The following MME variants were observed in gnomAD, a reference collection of about 807,000 sequenced individuals.
The protein encoded by MME is neprilysin.
MME carries 98 observed loss-of-function variants against 113.2 expected under a neutral mutation model. That is an observed-to-expected ratio of 0.87 (90% CI 0.74 to 1.02). MME has a LOEUF of 1.02. MME is among the 50% of genes least tolerant of loss of function. The pLI, the probability that MME is intolerant of heterozygous loss-of-function variation, is 0.00. For synonymous variants in MME, 292 were observed against 300.6 expected (o/e 0.97, Z 0.30); for missense variants, 836 against 896.0 (o/e 0.93, Z 0.86).
chr3:155,151,474 G>A (rs1381901416), intron 16 of MME, among the ~76,000 whole-genome samples: 5 of 152,024 alleles, frequency 3.3e-5, no homozygotes, highest in African/African-American at 1.2e-4. Flanking sequence ...TTTACTTCTC[G>A]ACATCTTCTA....
chr3:155,026,420 C>T (rs78543353), intron 1 of MME, among the ~76,000 whole-genome samples: 1,687 of 152,208 alleles, frequency 0.011, 15 homozygotes, highest in African/African-American at 0.028. Context: ...ATCACTACTT[C>T]CCTGTAAGAA....
At chr3:155,078,418 G>A (rs763724936), upstream of MME, among the ~76,000 whole-genome samples, 2 of 152,020 alleles carry the variant, frequency 1.3e-5, no homozygotes, top group Admixed American at 1.3e-4. Flanking sequence ...TATATTAATC[G>A]AATTATTTAA....
At chr3:155,086,316 G>GAT (rs1241502549) in intron 3 of MME, among the ~76,000 whole-genome samples, 1 of 152,192 alleles carries the variant, frequency 6.6e-6, no homozygotes, top group Non-Finnish European at 1.5e-5. Flanking sequence ...CAGAAATAGA[G>GAT]AGGTTATGAG....
intron 22 of MME, among the ~76,000 whole-genome samples, chr3:155,175,787 C>T (rs1712457699): frequency 6.6e-6 from 1 of 152,036 alleles, no homozygotes; most frequent in African/African-American, 2.4e-5. Flanking sequence ...ACTAATATGG[C>T]TATTTTGTTC....
At position 155,042,922 on chromosome 3, in the gene MME, A is replaced by G. The variant is rs1408052968; in HGVS notation, c.-11+18598A>G. On this transcript the variant is annotated intron_variant, in intron 1 of 22. Transcript: ENST00000492661. ...GTTTTATATATATATATATATATAT[A>G]TATATATATATATATATGTATATAT... Among the ~76,000 whole-genome samples, 19 of 63,690 alleles carry G rather than the reference A, an allele frequency of 3.0e-4. 2 individuals are homozygous for G. The East Asian group carries it at 6.0e-3, about 20-fold the overall frequency. 41.8% of individuals were successfully genotyped at this position (63,690 alleles called of 152,430 possible).
chr3:155,116,531 A>G lies in MME; in HGVS notation c.411A>G (p.Lys137=), dbSNP rs199805977. Residue 137 remains lysine (K), a synonymous_variant, in exon 5 of 23, where the codon AAA becomes AAG. Transcript: ENST00000360490. Reference sequence around the variant, plus strand: ...ATATAGTAGCAGTGCAGAAAGCAAAAGCATTGTACAGGTCTTGTATAAATG... The same window carrying G: ...ATATAGTAGCAGTGCAGAAAGCAAAGGCATTGTACAGGTCTTGTATAAATG... ...TEDIVAVQKA[K]ALYRSCINES... 3.2e-5 allele frequency: 52 copies of G among 1,612,440 alleles called. No individual in the cohort carries two copies. The African/African-American group carries it at 3.7e-4, about 12-fold the overall frequency.
chr3:155,099,063 C>T (rs561616752), intron 3 of MME, among the ~76,000 whole-genome samples: 2 of 152,098 alleles, frequency 1.3e-5, no homozygotes, highest in African/African-American at 4.8e-5. Flanking sequence ...CAAGTGATAA[C>T]AGAAAACTAG....
At chr3:155,081,588 T>C (rs1488729750) in intron 1 of MME, 1 of 152,078 alleles carries the variant, frequency 6.6e-6, no homozygotes, top group Non-Finnish European at 1.5e-5. Flanking sequence ...TACCCTGCTT[T>C]ATATGGGACT....
intron 1 of MME, among the ~76,000 whole-genome samples, chr3:155,061,472 G>A (rs1714145177): frequency 1.3e-5 from 2 of 149,370 alleles, no homozygotes; most frequent in African/African-American, 2.5e-5. Context: ...AAAAAAAAAG[G>A]TATCAAGCAT....
chr3:155,049,930 C>T (rs183641946), intron 1 of MME, among the ~76,000 whole-genome samples: 17 of 152,194 alleles, frequency 1.1e-4, no homozygotes, highest in Non-Finnish European at 2.1e-4. Context: ...TTTCATCACC[C>T]AGGTACTAAG....
At chr3:155,032,357 A>G (rs1297265395) in intron 1 of MME, among the ~76,000 whole-genome samples, 1 of 152,242 alleles carries the variant, frequency 6.6e-6, no homozygotes, top group Non-Finnish European at 1.5e-5. Context: ...CTCCTTGACC[A>G]AATTTCATAC....
intron 1 of MME, among the ~76,000 whole-genome samples, chr3:155,063,406 T>C (rs1344404772): frequency 9.1e-6 from 1 of 109,522 alleles, no homozygotes; most frequent in African/African-American, 3.8e-5. Flanking sequence ...ATATTTTATA[T>C]TTTATATTTT....
chr3:155,149,751 C>T (rs1448776043), intron 16 of MME, among the ~76,000 whole-genome samples: 1 of 152,012 alleles, frequency 6.6e-6, no homozygotes, highest in Non-Finnish European at 1.5e-5. Context: ...TTGGACAAAA[C>T]TGCTAATGGA....
intron 3 of MME, among the ~76,000 whole-genome samples, chr3:155,092,165 C>T (rs1716350329): frequency 6.6e-6 from 1 of 152,088 alleles, no homozygotes; most frequent in Non-Finnish European, 1.5e-5. Context: ...CTTCTCTACT[C>T]AGTCCACTGA....
intron 1 of MME, among the ~76,000 whole-genome samples, chr3:155,069,768 C>G (rs1714494731): frequency 1.3e-5 from 2 of 152,076 alleles, no homozygotes. Context: ...GAGTAAAAAG[C>G]AATACCATCA....
chr3:155,169,648 TGTA>T (rs1711688314), intron 20 of MME, among the ~76,000 whole-genome samples: 1 of 152,174 alleles, frequency 6.6e-6, no homozygotes, highest in Non-Finnish European at 1.5e-5. Flanking sequence ...GTAGCCCATA[TGTA>T]GGAGAAAGAG....
intron 1 of MME, among the ~76,000 whole-genome samples, chr3:155,037,008 C>A (rs1713150054): frequency 6.6e-6 from 1 of 152,260 alleles, no homozygotes; most frequent in African/African-American, 2.4e-5. Flanking sequence ...ATTGCCTTGG[C>A]ACCTTTTTAA....
rs1379600533 is a variant in MME at position 155,168,642 on chromosome 3, C to G, written c.1914+17C>G. 2.5e-6 allele frequency: 4 copies of G among 1,613,592 alleles called. No individual in the cohort carries two copies. The highest frequency in any genetic ancestry group is 3.4e-6 in the Non-Finnish European group (4 of 1,179,794). On this transcript the variant is annotated intron_variant, in intron 19 of 22. Transcript: ENST00000360490. ...GGACAGCACGTATGTCATTAGCATT[C>G]TCTTGAAAAGTTTTAGACATGTTCA...
intron 4 of MME, 109 bp downstream of exon 4, chr3:155,115,264 T>A: frequency 7.4e-7 from 1 of 1,355,776 alleles, no homozygotes; most frequent in Non-Finnish European, 1.0e-6. Context: ...ATTAAAAAGT[T>A]AATAATCCTT....
Sources: allele counts gnomAD v4.1 joint callset (sites outside exome capture counted in the v4.1 genomes callset), GRCh38; gene constraint gnomAD v4.1.1; transcripts MANE v1.5; gene names NCBI Gene and HGNC (gene_info 2026-07-23, HGNC 2026-07-21).